DLG2: variants seen among roughly 807,000 people sequenced by gnomAD.
DLG2 encodes the protein disks large homolog 2.
DLG2 carries 45 observed loss-of-function variants against 132.5 expected under a neutral mutation model. That is an observed-to-expected ratio of 0.34 (90% CI 0.27 to 0.44). The LOEUF (loss-of-function observed/expected upper bound fraction) is 0.44, where lower values mean the gene tolerates loss of function less well. Ranked by LOEUF, DLG2 falls within the 20% of genes least tolerant of loss-of-function variation. The probability of loss-of-function intolerance (pLI) is 1.00; values close to 1 mark genes in which losing one functional copy is unlikely to be tolerated. For missense variants in DLG2, 1,045 were observed against 1,196.9 expected, an observed-to-expected ratio of 0.87 and a Z score of 1.87; for synonymous variants, 424 against 419.6, an observed-to-expected ratio of 1.01 and a Z score of -0.13.
chr11:84,648,876 G>A (rs527569523), intron 6 of DLG2, among the ~76,000 whole-genome samples: 2 of 152,064 alleles, frequency 1.3e-5, no homozygotes, highest in East Asian at 3.9e-4. Flanking sequence ...GCAGAACCAT[G>A]AGCCAAATAA....
At chr11:83,555,670 T>C (rs970408192) in intron 19 of DLG2, among the ~76,000 whole-genome samples, 1 of 152,234 alleles carries the variant, frequency 6.6e-6, no homozygotes, top group African/African-American at 2.4e-5. Context: ...AAACATTTGA[T>C]TGCAGACAGG....
intron 7 of DLG2, among the ~76,000 whole-genome samples, chr11:84,358,005 T>A (rs1006794366): frequency 6.6e-6 from 1 of 152,004 alleles, no homozygotes; most frequent in East Asian, 1.9e-4. Flanking sequence ...ACATATACTT[T>A]TATAGTACTA....
At chr11:85,198,027 G>A (rs1183020119) in intron 4 of DLG2, among the ~76,000 whole-genome samples, 2 of 152,074 alleles carry the variant, frequency 1.3e-5, no homozygotes, top group East Asian at 1.9e-4. Context: ...AATAACAGAC[G>A]AACGACATGC....
chr11:85,529,570 A>C (rs773499211), intron 3 of DLG2, among the ~76,000 whole-genome samples: 6 of 152,240 alleles, frequency 3.9e-5, no homozygotes, highest in African/African-American at 1.2e-4. Flanking sequence ...AGTTCCCCTT[A>C]GTTCTAGTAT....
intron 8 of DLG2, among the ~76,000 whole-genome samples, chr11:84,175,930 G>A (rs370793978): frequency 2.6e-4 from 40 of 152,138 alleles, no homozygotes; most frequent in Non-Finnish European, 4.7e-4. Context: ...GTCCCCTACC[G>A]AATGTCTGGC....
At chr11:84,736,664 T>C (rs1749177324) in intron 6 of DLG2, among the ~76,000 whole-genome samples, 1 of 151,986 alleles carries the variant, frequency 6.6e-6, no homozygotes, top group African/African-American at 2.4e-5. Flanking sequence ...CTAAATGGAA[T>C]TCCTTTATTG....
chr11:84,964,800 G>T (rs1249299935), intron 6 of DLG2, among the ~76,000 whole-genome samples: 3 of 151,854 alleles, frequency 2.0e-5, no homozygotes, highest in Non-Finnish European at 4.4e-5. Context: ...GCCTACCCCA[G>T]GTCTTTCTAA....
chr11:83,565,801 G>A (rs968409857), intron 19 of DLG2, among the ~76,000 whole-genome samples: 1 of 152,190 alleles, frequency 6.6e-6, no homozygotes, highest in Non-Finnish European at 1.5e-5. Context: ...GAGAACTATT[G>A]AATGGTTCTG....
intron 9 of DLG2, among the ~76,000 whole-genome samples, chr11:84,159,624 T>C (rs1281485663): frequency 2.0e-5 from 3 of 152,122 alleles, no homozygotes; most frequent in Non-Finnish European, 4.4e-5. Context: ...GAAGGCCTTG[T>C]ATGTAATGAT....
chr11:84,174,671 T>C (rs1023462175), intron 8 of DLG2, among the ~76,000 whole-genome samples: 4 of 152,212 alleles, frequency 2.6e-5, no homozygotes, highest in African/African-American at 9.6e-5. Flanking sequence ...TCTGCCTTTA[T>C]GGAGCTGCAT....
intron 6 of DLG2, among the ~76,000 whole-genome samples, chr11:84,756,493 C>T (rs1217080919): frequency 6.6e-6 from 1 of 152,180 alleles, no homozygotes; most frequent in Non-Finnish European, 1.5e-5. Flanking sequence ...GCTTGCATCT[C>T]TAGTTCTACC....
intron 3 of DLG2, among the ~76,000 whole-genome samples, chr11:85,295,941 A>G (rs972502921): frequency 6.6e-6 from 1 of 152,156 alleles, no homozygotes; most frequent in African/African-American, 2.4e-5. Flanking sequence ...TATGCACAGA[A>G]GTAGCTATAG....
intron 11 of DLG2, among the ~76,000 whole-genome samples, chr11:83,986,018 G>GT (rs1326371397): frequency 6.6e-6 from 1 of 150,404 alleles, no homozygotes; most frequent in Non-Finnish European, 1.5e-5. Context: ...AGTGTCTGTT[G>GT]TTTTTTTGAC....
intron 6 of DLG2, among the ~76,000 whole-genome samples, chr11:84,990,675 A>T (rs1225447848): frequency 6.6e-6 from 1 of 151,850 alleles, no homozygotes; most frequent in Non-Finnish European, 1.5e-5. Context: ...TACCTATTAA[A>T]ATTCATAAAA....
intron 14 of DLG2, among the ~76,000 whole-genome samples, chr11:83,945,168 CAGG>C (rs2154142044): frequency 6.6e-6 from 1 of 152,252 alleles, no homozygotes; most frequent in East Asian, 1.9e-4. Flanking sequence ...CCCAGCCACT[CAGG>C]AGGCTGAGGC....
At chr11:85,348,467 C>T (rs1316531637) in intron 3 of DLG2, among the ~76,000 whole-genome samples, 2 of 151,824 alleles carry the variant, frequency 1.3e-5, no homozygotes, top group Non-Finnish European at 2.9e-5. Context: ...TCGTGATCCG[C>T]CCGCCTCGAC....
intron 17 of DLG2, among the ~76,000 whole-genome samples, chr11:83,825,030 T>C: frequency 6.6e-6 from 1 of 151,104 alleles, no homozygotes; most frequent in East Asian, 1.9e-4. Flanking sequence ...GATTTTATTG[T>C]TTTTCTTTTT....
chr11:84,302,038 A>T (rs2098161590), intron 7 of DLG2, among the ~76,000 whole-genome samples: 1 of 152,196 alleles, frequency 6.6e-6, no homozygotes. Context: ...ATGAGTTCAC[A>T]TCCTTTGCAG....
intron 18 of DLG2, chr11:83,651,726 T>G (rs2070530914): frequency 2.6e-6 from 1 of 378,604 alleles, no homozygotes; most frequent in Non-Finnish European, 5.6e-6. Context: ...CTCGGAAGTC[T>G]ACTTTATAAT....
Sources: gnomAD v4.1 joint callset for allele counts (sites outside exome capture counted in the v4.1 genomes callset) on GRCh38, gnomAD v4.1.1 for gene constraint, MANE v1.5 for transcripts, NCBI Gene and HGNC (gene_info 2026-07-23, HGNC 2026-07-21) for gene names.